DLGAP1: variants seen among roughly 807,000 people sequenced by gnomAD.
DLGAP1 encodes DLG associated protein 1, also known as disks large-associated protein 1.
In DLGAP1, 11 loss-of-function variants were observed where a neutral mutation model predicts 90.8. The observed-to-expected ratio is 0.12, with a 90% CI of 0.08 to 0.20. DLGAP1 has a LOEUF of 0.20. DLGAP1 is among the 10% of genes least tolerant of loss of function. DLGAP1 has a pLI of 1.00. For synonymous variants in DLGAP1, 558 were observed against 540.7 expected (o/e 1.03, Z -0.44); for missense variants, 1,050 against 1,333.8 (o/e 0.79, Z 3.31).
At chr18:4,271,193 T>G (rs920602651) in intron 1 of DLGAP1, among the ~76,000 whole-genome samples, 4 of 152,162 alleles carry the variant, frequency 2.6e-5, no homozygotes, top group Non-Finnish European at 5.9e-5. Flanking sequence ...TCAGATCCAA[T>G]CCCGAGAGGT....
chr18:3,566,681 A>G (rs1439615614), intron 9 of DLGAP1, among the ~76,000 whole-genome samples: 1 of 152,180 alleles, frequency 6.6e-6, no homozygotes, highest in Non-Finnish European at 1.5e-5. Flanking sequence ...ACTGAAAGTT[A>G]GTAGCAAAGT....
chr18:3,749,913 T>C (rs1245063258), intron 5 of DLGAP1, among the ~76,000 whole-genome samples: 2 of 152,206 alleles, frequency 1.3e-5, no homozygotes, highest in Admixed American at 1.3e-4. Flanking sequence ...ATAATCATAT[T>C]TTCTTGTTTC....
At chr18:3,944,713 T>C (rs568497308) in intron 3 of DLGAP1, among the ~76,000 whole-genome samples, 1 of 152,368 alleles carries the variant, frequency 6.6e-6, no homozygotes, top group South Asian at 2.1e-4. Context: ...GTATATTTAT[T>C]CCTTTTAGAA....
intron 5 of DLGAP1, among the ~76,000 whole-genome samples, chr18:3,746,536 G>T (rs964462476): frequency 1.3e-5 from 2 of 152,106 alleles, no homozygotes; most frequent in African/African-American, 4.8e-5. Context: ...AATAGTCATT[G>T]TGTATAAGAA....
chr18:3,891,393 A>G (rs1004047031), intron 3 of DLGAP1, among the ~76,000 whole-genome samples: 1 of 152,106 alleles, frequency 6.6e-6, no homozygotes, highest in African/African-American at 2.4e-5. Context: ...GAGGCTGCTG[A>G]GTGTCGCTGG....
chr18:3,998,670 TA>T lies in DLGAP1; in HGVS notation c.-73+6445del, dbSNP rs537302796. 1.6e-4 allele frequency among the ~76,000 whole-genome samples: 24 copies of T among 152,306 alleles called. No individual in the cohort carries two copies. The South Asian group carries it at 4.4e-3, about 28-fold the overall frequency. ...ATGATGTTTCCTATTCAAATTCAAGTAGAGGACTTTTTTCACAGTGTCCTTT... is the reference window on the plus strand; with the variant it reads ...ATGATGTTTCCTATTCAAATTCAAGTGAGGACTTTTTTCACAGTGTCCTTT... On this transcript the variant is annotated intron_variant, in intron 3 of 12. Transcript: ENST00000315677.
chr18:3,780,735 T>C (rs2065151784), intron 5 of DLGAP1, among the ~76,000 whole-genome samples: 1 of 152,246 alleles, frequency 6.6e-6, no homozygotes, highest in Non-Finnish European at 1.5e-5. Flanking sequence ...TATTATTCTG[T>C]CTGCCACAAG....
chr18:3,878,995 A>G, intron 4 of DLGAP1, 117 bp downstream of exon 4: 1 of 842,092 alleles, frequency 1.2e-6, no homozygotes, highest in Non-Finnish European at 1.7e-6. Flanking sequence ...AATAATTTGC[A>G]CAGGTTCCTA....
chr18:4,252,128 G>A (rs2078791700), intron 1 of DLGAP1, among the ~76,000 whole-genome samples: 1 of 152,222 alleles, frequency 6.6e-6, no homozygotes, highest in Admixed American at 6.5e-5. Flanking sequence ...TCAGGGAGTT[G>A]GCCCGGTGGC....
At chr18:4,261,800 C>T (rs2079008524) in intron 1 of DLGAP1, among the ~76,000 whole-genome samples, 1 of 152,058 alleles carries the variant, frequency 6.6e-6, no homozygotes, top group Admixed American at 6.6e-5. Flanking sequence ...TCCTTAATCA[C>T]AAATGTATAT....
intron 1 of DLGAP1, among the ~76,000 whole-genome samples, chr18:4,362,969 A>G (rs1171349929): frequency 2.0e-5 from 3 of 152,124 alleles, no homozygotes; most frequent in Non-Finnish European, 4.4e-5. Context: ...GAAAACCCCA[A>G]TCCCCTTGGC....
intron 1 of DLGAP1, among the ~76,000 whole-genome samples, chr18:4,328,534 CAT>C (rs1416424982): frequency 2.6e-5 from 4 of 151,866 alleles, no homozygotes; most frequent in Non-Finnish European, 4.4e-5. Flanking sequence ...TTTGCATAAA[CAT>C]ATGTTTTCAT....
At chr18:3,527,352 C>T (rs2051694062) in intron 10 of DLGAP1, among the ~76,000 whole-genome samples, 1 of 150,604 alleles carries the variant, frequency 6.6e-6, no homozygotes, top group South Asian at 2.1e-4. Context: ...ATTACAACTA[C>T]CCCACATGCA....
chr18:3,562,470 A>C (rs2054186490), intron 9 of DLGAP1, among the ~76,000 whole-genome samples: 1 of 151,484 alleles, frequency 6.6e-6, no homozygotes, highest in South Asian at 2.1e-4. Flanking sequence ...TCTCATGATA[A>C]CGAGTGGGTC....
intron 3 of DLGAP1, among the ~76,000 whole-genome samples, chr18:3,881,801 T>C (rs2071177687): frequency 6.6e-6 from 1 of 151,976 alleles, no homozygotes; most frequent in Non-Finnish European, 1.5e-5. Context: ...TAGTCCCAGC[T>C]ACTCGGGAGG....
chr18:3,811,967 G>A (rs1160227315), intron 5 of DLGAP1, among the ~76,000 whole-genome samples: 3 of 152,110 alleles, frequency 2.0e-5, no homozygotes, highest in East Asian at 3.9e-4. Context: ...GGGTATTGCT[G>A]TGGACAAGAG....
At chr18:4,012,065 C>T (rs1465249910) in intron 2 of DLGAP1, among the ~76,000 whole-genome samples, 3 of 152,014 alleles carry the variant, frequency 2.0e-5, no homozygotes, top group Admixed American at 2.0e-4. Context: ...ATCCCTCTAA[C>T]ACTGCTTGAA....
intron 4 of DLGAP1, among the ~76,000 whole-genome samples, chr18:3,828,639 CAAAAAAAAAAAAAA>C (rs71368713): frequency 4.7e-5 from 1 of 21,368 alleles, no homozygotes; most frequent in East Asian, 1.6e-3. Flanking sequence ...GACTCTATCT[CAAAAAAAAAAAAAA>C]AAAAAAAAAA....
chr18:3,850,952 T>C (rs2069304910), intron 4 of DLGAP1, among the ~76,000 whole-genome samples: 1 of 152,126 alleles, frequency 6.6e-6, no homozygotes, highest in South Asian at 2.1e-4. Context: ...AGGAGCTGAA[T>C]TTTCTCACTT....
Sources: gnomAD v4.1 joint callset for allele counts (sites outside exome capture counted in the v4.1 genomes callset) on GRCh38, gnomAD v4.1.1 for gene constraint, MANE v1.5 for transcripts, NCBI Gene and HGNC (gene_info 2026-07-23, HGNC 2026-07-21) for gene names.